The following NVL variants were observed in gnomAD, a reference collection of about 807,000 sequenced individuals.
NVL encodes the protein nuclear VCP like, also known as nuclear valosin-containing protein-like.
In NVL, 84 loss-of-function variants were observed where a neutral mutation model predicts 110.2. The ratio of observed to expected loss-of-function variants is 0.76; its 90% CI spans 0.64 to 0.91. The LOEUF (loss-of-function observed/expected upper bound fraction) is 0.91. Ranked by LOEUF, NVL falls within the 40% of genes least tolerant of loss-of-function variation. The pLI is 0.00. For missense variants in NVL, 882 were observed against 1,035.9 expected (o/e 0.85, Z 2.04); for synonymous variants, 354 against 361.1 (o/e 0.98, Z 0.22).
intron 19 of NVL, among the ~76,000 whole-genome samples, chr1:224,240,744 T>C (rs965488738): frequency 6.6e-6 from 1 of 151,802 alleles, no homozygotes; most frequent in African/African-American, 2.4e-5. Flanking sequence ...AAAGAAATAA[T>C]TTCAAGTACC....
chr1:224,294,370 C>T lies in NVL; in HGVS notation c.1222G>A (p.Gly408Arg). ...AACGAGTCTGGTCGATTAGTAGCTC[C>T]AATAACTAGGACCCGGGCTGTAGCA... ...VAATARVLVIGATNRPDSLDP... is the reference protein window; with the variant it reads ...VAATARVLVIRATNRPDSLDP... The change falls in exon 12 of 23, where the codon GGA becomes AGA. Residue 408 changes from glycine to arginine, a missense_variant. Coordinates refer to ENST00000281701, the MANE Select transcript of NVL (RefSeq NM_002533.4). 6.2e-7 allele frequency: 1 copy of T among 1,614,014 alleles called. No individual in the cohort carries two copies. The highest frequency in any genetic ancestry group is 8.5e-7 in the Non-Finnish European group (1 of 1,180,020).
At chr1:224,252,568 A>G (rs1662623571) in intron 18 of NVL, among the ~76,000 whole-genome samples, 1 of 152,182 alleles carries the variant, frequency 6.6e-6, no homozygotes, top group Admixed American at 6.5e-5. Flanking sequence ...CAAACCTGTT[A>G]GATGTTGTTC....
At chr1:224,264,769 C>G (rs1279627993) in intron 18 of NVL, among the ~76,000 whole-genome samples, 2 of 152,072 alleles carry the variant, frequency 1.3e-5, no homozygotes, top group South Asian at 4.1e-4. Flanking sequence ...GAGACAGAGT[C>G]TCGCTTTGTC....
intron 18 of NVL, among the ~76,000 whole-genome samples, chr1:224,259,414 G>T (rs1321460608): frequency 6.6e-6 from 1 of 152,132 alleles, no homozygotes; most frequent in East Asian, 1.9e-4. Context: ...TCTAAGATTA[G>T]ATTGTTGGGA....
At chr1:224,249,482 C>T (rs542385831) in intron 19 of NVL, among the ~76,000 whole-genome samples, 6 of 151,996 alleles carry the variant, frequency 3.9e-5, no homozygotes, top group Non-Finnish European at 7.4e-5. Context: ...CGGTGGCTCA[C>T]GCCTGTAATC....
Position 224,286,146 on chromosome 1 carries a change from C to CA in NVL, c.1795-17dup. The CA allele has an allele frequency of 6.3e-7, 1 of 1,578,360 alleles. No homozygotes were observed. The highest frequency in any genetic ancestry group is 8.7e-7 in the Non-Finnish European group (1 of 1,148,076). On this transcript the variant is annotated splice_polypyrimidine_tract_variant and intron_variant, in intron 14 of 22. Transcript: ENST00000281701. ...GTACTGGTGCCTGGAAATAATGATA[C>CA]AAACGGCGATCCATTACATGTCCAT...
intron 18 of NVL, among the ~76,000 whole-genome samples, chr1:224,252,574 T>C (rs1662624628): frequency 6.6e-6 from 1 of 152,224 alleles, no homozygotes; most frequent in African/African-American, 2.4e-5. Context: ...TGTTAGATGT[T>C]GTTCTTTAAC....
intron 16 of NVL, among the ~76,000 whole-genome samples, chr1:224,278,742 T>C (rs1168072308): frequency 6.6e-6 from 1 of 152,134 alleles, no homozygotes; most frequent in Admixed American, 6.5e-5. Flanking sequence ...TATCCAATTT[T>C]TTTTTTTTGA....
chr1:224,313,702 C>T (rs1321329103), intron 4 of NVL, among the ~76,000 whole-genome samples: 1 of 152,078 alleles, frequency 6.6e-6, no homozygotes, highest in Admixed American at 6.6e-5. Context: ...TATAAAATCA[C>T]AAATAAAAAT....
chr1:224,294,482 T>C (rs1667688159), intron 11 of NVL, 71 bp from the exon 12 acceptor site: 4 of 1,493,574 alleles, frequency 2.7e-6, no homozygotes, highest in South Asian at 1.1e-5. Flanking sequence ...TACAGAATCA[T>C]TTCATGGTTA....
chr1:224,320,436 C>T (rs1239835352), intron 2 of NVL, among the ~76,000 whole-genome samples: 2 of 152,106 alleles, frequency 1.3e-5, no homozygotes, highest in African/African-American at 4.8e-5. Context: ...CATTTGCGGT[C>T]AGGAGTTCGA....
At chr1:224,320,886 T>C (rs555447905) in intron 2 of NVL, among the ~76,000 whole-genome samples, 1 of 152,292 alleles carries the variant, frequency 6.6e-6, no homozygotes, top group East Asian at 1.9e-4. Flanking sequence ...CAGTTTTTCT[T>C]AAATGTGAAA....
At chr1:224,256,978 C>A (rs1174870739) in intron 18 of NVL, 1 of 483,372 alleles carries the variant, frequency 2.1e-6, no homozygotes, top group African/African-American at 2.0e-5. Context: ...CTTGCACCTG[C>A]ATTATTCTTA....
chr1:224,300,115 G>GTATTATTAT (rs1668257308), intron 10 of NVL, among the ~76,000 whole-genome samples: 2 of 152,084 alleles, frequency 1.3e-5, no homozygotes, highest in African/African-American at 2.4e-5. Context: ...TGAGATTTGG[G>GTATTATTAT]TATTATTATT....
rs1420913252 is a variant in NVL at position 224,231,291 on chromosome 1, G to T, written c.2461C>A (p.Leu821Ile). The T allele has an allele frequency of 1.2e-6, 2 of 1,611,132 alleles. No individual in the cohort carries two copies. The highest frequency in any genetic ancestry group is 1.7e-5 in the Admixed American group (1 of 59,982). ...TCAAAATGCTTATGACTAACCTTGA[G>T]TTCACCTATGGAGTAAATGCACAAA... ...RQKSGNEKGE[L>I]KVSHKHFEEA... Residue 821 changes from leucine to isoleucine, a missense_variant, in exon 22 of 23, where the codon CTC (leucine) becomes ATC (isoleucine). By Grantham distance (5) the Leu-to-Ile change is conservative. Transcript: ENST00000281701.
chr1:224,283,488 A>AAAAG (rs55906337), intron 15 of NVL, among the ~76,000 whole-genome samples: 36 of 152,098 alleles, frequency 2.4e-4, no homozygotes, highest in South Asian at 4.2e-4. Flanking sequence ...CCATCTCAAA[A>AAAAG]AAAGAAAGAA....
chr1:224,247,127 G>C (rs1191802750), intron 19 of NVL, among the ~76,000 whole-genome samples: 1 of 151,760 alleles, frequency 6.6e-6, no homozygotes, highest in African/African-American at 2.4e-5. Flanking sequence ...CATCAAGCTT[G>C]TTTGATGCAA....
At chr1:224,292,379 TAA>T (rs1223494456) in intron 12 of NVL, among the ~76,000 whole-genome samples, 1 of 152,222 alleles carries the variant, frequency 6.6e-6, no homozygotes, top group Non-Finnish European at 1.5e-5. Context: ...ACTTTACAGA[TAA>T]AGTTATTACT....
intron 19 of NVL, among the ~76,000 whole-genome samples, chr1:224,243,892 C>A (rs919336877): frequency 1.3e-5 from 2 of 151,692 alleles, no homozygotes; most frequent in African/African-American, 2.4e-5. Context: ...GAACTCCTGA[C>A]CTTGTGATTC....
Sources: allele counts gnomAD v4.1 joint callset (sites outside exome capture counted in the v4.1 genomes callset), GRCh38; gene constraint gnomAD v4.1.1; transcripts MANE v1.5; gene names NCBI Gene and HGNC (gene_info 2026-07-23, HGNC 2026-07-21).